Variants in MON2 observed in about 807,000 individuals in gnomAD.
MON2 encodes protein MON2 homolog.
MON2 carries 84 observed loss-of-function variants against 208.6 expected under a neutral mutation model. The ratio of observed to expected loss-of-function variants is 0.40; its 90% CI spans 0.34 to 0.48. MON2 has a LOEUF of 0.48. Ranked by LOEUF, MON2 falls within the 20% of genes least tolerant of loss-of-function variation. The probability of loss-of-function intolerance (pLI) is 0.59; values close to 1 mark genes in which losing one functional copy is unlikely to be tolerated. For synonymous variants in MON2, 660 were observed against 694.0 expected, an observed-to-expected ratio of 0.95 and a Z score of 0.77; for missense variants, 1,611 against 2,015.4, an observed-to-expected ratio of 0.80 and a Z score of 3.84.
intron 11 of MON2, among the ~76,000 whole-genome samples, chr12:62,530,003 G>A (rs151262569): frequency 1.2e-4 from 19 of 152,132 alleles, no homozygotes; most frequent in African/African-American, 3.9e-4. Flanking sequence ...ATCTGAATTC[G>A]TGTGTTCCAG....
intron 1 of MON2, among the ~76,000 whole-genome samples, chr12:62,483,375 A>T (rs906128005): frequency 6.6e-6 from 1 of 152,160 alleles, no homozygotes; most frequent in African/African-American, 2.4e-5. Context: ...TTGGTTATCC[A>T]TTCTCAAAAA....
Position 62,508,451 on chromosome 12 carries a change from G to C in MON2, c.955G>C (p.Val319Leu). ...CATGCGTTTGCTGAGAGTAGTATCT[G>C]TTCTGATTAAGCAGTTTTACAGTCT... is the stretch of plus-strand genomic sequence containing the variant. ...ICMRLLRVVSVLIKQFYSLLV... is the reference protein window; with the variant it reads ...ICMRLLRVVSLLIKQFYSLLV... Residue 319 changes from valine (V) to leucine (L), a missense_variant, in exon 8 of 35, where the codon GTT (valine) becomes CTT (leucine). Coordinates refer to ENST00000393630, the MANE Select transcript of MON2 (RefSeq NM_015026.3). The C allele has an allele frequency of 6.2e-7, 1 of 1,614,042 alleles. No individual in the cohort carries two copies.
chr12:62,513,472 C>T (rs375140082), intron 8 of MON2, among the ~76,000 whole-genome samples: 5 of 152,072 alleles, frequency 3.3e-5, no homozygotes, highest in African/African-American at 9.6e-5. Flanking sequence ...GCAACCCACC[C>T]GCCTCGGCCT....
At chr12:62,538,593 A>G in intron 19 of MON2, 88 bp downstream of exon 19, 1 of 876,368 alleles carries the variant, frequency 1.1e-6, no homozygotes, top group Admixed American at 2.2e-5. Context: ...TTACTAGTAG[A>G]ACTAACACTC....
intron 5 of MON2, among the ~76,000 whole-genome samples, chr12:62,500,384 T>C (rs1006711481): frequency 2.0e-5 from 3 of 152,176 alleles, no homozygotes; most frequent in African/African-American, 7.2e-5. Flanking sequence ...AGTAATTCTC[T>C]TGAAAATAGT....
chr12:62,590,902 G>A (rs1407416569), intron 34 of MON2, among the ~76,000 whole-genome samples: 2 of 152,132 alleles, frequency 1.3e-5, no homozygotes, highest in African/African-American at 2.4e-5. Context: ...TGATCCACCC[G>A]CCTTGGCCTC....
chr12:62,492,791 T>C (rs2136043548), intron 2 of MON2, among the ~76,000 whole-genome samples: 1 of 147,522 alleles, frequency 6.8e-6, no homozygotes, highest in African/African-American at 2.5e-5. Flanking sequence ...CCATCCTGGC[T>C]AACATGGTGA....
chr12:62,532,226 A>G (rs2072688571), intron 11 of MON2, among the ~76,000 whole-genome samples: 1 of 152,226 alleles, frequency 6.6e-6, no homozygotes, highest in African/African-American at 2.4e-5. Flanking sequence ...ATAATTAGTT[A>G]TGGCAGTGGT....
chr12:62,545,256 T>A (rs1010532403), intron 21 of MON2, among the ~76,000 whole-genome samples: 1 of 151,988 alleles, frequency 6.6e-6, no homozygotes, highest in Non-Finnish European at 1.5e-5. Flanking sequence ...GGTCTCACGT[T>A]CATAAGTTTT....
chr12:62,494,679 T>C (rs2070372050), intron 3 of MON2, among the ~76,000 whole-genome samples: 5 of 152,220 alleles, frequency 3.3e-5, no homozygotes, highest in Admixed American at 3.3e-4. Flanking sequence ...AGCAGGCTCA[T>C]AGCTAATTTG....
intron 28 of MON2, 134 bp downstream of exon 28, chr12:62,566,165 C>T (rs2074378487): frequency 3.8e-6 from 5 of 1,317,622 alleles, no homozygotes; most frequent in Non-Finnish European, 5.2e-6. Flanking sequence ...TTATTTTTTT[C>T]ATGAAGTACA....
At chr12:62,533,763 T>C (rs1321067638) in intron 12 of MON2, among the ~76,000 whole-genome samples, 1 of 152,132 alleles carries the variant, frequency 6.6e-6, no homozygotes, top group Non-Finnish European at 1.5e-5. Context: ...AGGAAATACA[T>C]AGCCACATAC....
At position 62,494,508 on chromosome 12, in the gene MON2, T is replaced by G. The variant is rs185307343; in HGVS notation, c.303+466T>G. 4.6e-3 allele frequency among the ~76,000 whole-genome samples: 696 copies of G among 152,336 alleles called. 2 individuals carry two copies. The highest frequency in any genetic ancestry group is 7.3e-3 in the Non-Finnish European group (498 of 68,026). On this transcript the variant is annotated intron_variant, in intron 3 of 34. Transcript: ENST00000393630. ...TCAAATTTAATGGTGTTATTCTTAA[T>G]TTTGTACTCCATAAGTACTATAGTA...
chr12:62,516,866 T>C (rs1248718198), intron 8 of MON2, among the ~76,000 whole-genome samples: 1 of 151,994 alleles, frequency 6.6e-6, no homozygotes, highest in African/African-American at 2.4e-5. Context: ...ACATACCTAC[T>C]ATATACTCAT....
rs2074116727 is a variant in MON2 at position 62,559,501 on chromosome 12, AGTGTGGTG to A, written c.3410-984_3410-977del. 2.0e-5 allele frequency among the ~76,000 whole-genome samples: 3 copies of A among 152,060 alleles called. No individual in the cohort carries two copies. The South Asian group carries it at 6.2e-4, about 31-fold the overall frequency. On this transcript the variant is annotated intron_variant, in intron 25 of 34. Coordinates refer to ENST00000393630, the MANE Select transcript of MON2 (RefSeq NM_015026.3). ...CTACAAAAAATACAAAAATTAGCCA[AGTGTGGTG>A]GTGTGCATCTGTAGTCCCAGCTACT...
In MON2 at chr12:62,594,163, A is replaced by T. The variant is rs898739215; in HGVS notation, c.*1414A>T. 10 of 152,144 alleles carry T rather than the reference A, an allele frequency of 6.6e-5. No individual in the cohort carries two copies. Among genetic ancestry groups the T allele is most frequent in the African/African-American group, 2.4e-4 (10 of 41,460 alleles). The allele number at this position is 152,144 out of a possible 1,614,324, so 9.4% of individuals were successfully genotyped here. On this transcript the variant is annotated 3_prime_UTR_variant, in exon 35 of 35. Transcript: ENST00000393630. ...CAATGATTATTCATAAGAAATCATGATGGTCTCAGTATTATTTTAGTGTAT... is the reference window on the plus strand; with the variant it reads ...CAATGATTATTCATAAGAAATCATGTTGGTCTCAGTATTATTTTAGTGTAT...
chr12:62,591,631 G>A (rs2075400919), intron 34 of MON2, among the ~76,000 whole-genome samples: 1 of 152,110 alleles, frequency 6.6e-6, no homozygotes. Context: ...GTAAATTGAG[G>A]AACACTAGTT....
Position 62,543,080 on chromosome 12 carries a change from A to G in MON2, c.2365-17A>G, listed in dbSNP as rs761626185. The G allele has an allele frequency of 7.5e-6, 10 of 1,333,972 alleles. No individual in the cohort carries two copies. The highest frequency in any genetic ancestry group is 1.0e-5 in the Non-Finnish European group (10 of 958,206). 82.6% of individuals were successfully genotyped at this position (1,333,972 alleles called of 1,614,324 possible). On this transcript the variant is annotated splice_polypyrimidine_tract_variant and intron_variant, in intron 19 of 34. Transcript: ENST00000393630. Reference sequence around the variant, plus strand: ...ATTCTCCTTATACTATCAAAATACAATGTATTTTCTCCCTAGGAACCATCT... The same window carrying G: ...ATTCTCCTTATACTATCAAAATACAGTGTATTTTCTCCCTAGGAACCATCT...
At position 62,571,469 on chromosome 12, in the gene MON2, C is replaced by CA. The variant is rs1298615493; in HGVS notation, c.4402dup (p.Arg1468LysfsTer20). Reference sequence around the variant, plus strand: ...GGAAACTAGCAGTATCCTCTCTCCTCAGAGTTCTTTCTATTGGGCTACCTG... The same window carrying CA: ...GGAAACTAGCAGTATCCTCTCTCCTCAAGAGTTCTTTCTATTGGGCTACCTG... On this transcript the variant is annotated frameshift_variant, in exon 30 of 35. Transcript: ENST00000393630. LOFTEE classifies it high-confidence loss of function. The CA allele has an allele frequency of 6.2e-7, 1 of 1,613,674 alleles. No homozygotes were observed. The highest frequency in any genetic ancestry group is 8.5e-7 in the Non-Finnish European group (1 of 1,179,602).
Sources: gnomAD v4.1 joint callset for allele counts (sites outside exome capture counted in the v4.1 genomes callset) on GRCh38, gnomAD v4.1.1 for gene constraint, MANE v1.5 for transcripts, NCBI Gene and HGNC (gene_info 2026-07-23, HGNC 2026-07-21) for gene names.